The following SLC2A9 variants were observed in gnomAD, a reference collection of about 807,000 sequenced individuals.
SLC2A9 encodes solute carrier family 2 member 9.
A neutral mutation model predicts 50.6 loss-of-function variants in SLC2A9; 39 were observed. That is an observed-to-expected ratio of 0.77 (90% CI 0.60 to 1.01). The LOEUF (loss-of-function observed/expected upper bound fraction) is 1.01. SLC2A9 is among the 50% of genes least tolerant of loss of function. The pLI, the probability that SLC2A9 is intolerant of heterozygous loss-of-function variation, is 0.00. For synonymous variants in SLC2A9, 324 were observed against 276.9 expected (o/e 1.17, Z -1.69); for missense variants, 686 against 677.6 (o/e 1.01, Z -0.14).
intron 10 of SLC2A9, among the ~76,000 whole-genome samples, chr4:9,881,916 G>A (rs910951174): frequency 6.6e-6 from 1 of 152,240 alleles, no homozygotes; most frequent in African/African-American, 2.4e-5. Context: ...CAGCGCTGAA[G>A]TCATTCCCAT....
chr4:9,906,943 T>C (rs1740795541), intron 8 of SLC2A9, among the ~76,000 whole-genome samples: 1 of 152,156 alleles, frequency 6.6e-6, no homozygotes, highest in Admixed American at 6.5e-5. Flanking sequence ...ATCATTCCTC[T>C]ACATTTTTTA....
chr4:9,848,548 G>A (rs1177703527), intron 10 of SLC2A9, among the ~76,000 whole-genome samples: 6 of 151,986 alleles, frequency 3.9e-5, no homozygotes, highest in South Asian at 2.1e-4. Flanking sequence ...TGTGCTCCTC[G>A]AGGGCAGGCA....
chr4:9,918,943 C>T (rs1321463123), intron 7 of SLC2A9, among the ~76,000 whole-genome samples: 1 of 152,070 alleles, frequency 6.6e-6, no homozygotes, highest in Non-Finnish European at 1.5e-5. Flanking sequence ...TCAACAGGTG[C>T]TTAGTCAGTG....
downstream of SLC2A9, among the ~76,000 whole-genome samples, chr4:9,776,567 C>A (rs1208771082): frequency 1.3e-5 from 2 of 152,102 alleles, no homozygotes; most frequent in Non-Finnish European, 2.9e-5. Flanking sequence ...GGGTGACAGG[C>A]AGCACCTGCT....
At chr4:9,884,053 A>C (rs1329958163) in intron 10 of SLC2A9, among the ~76,000 whole-genome samples, 6 of 152,334 alleles carry the variant, frequency 3.9e-5, no homozygotes, top group Admixed American at 2.0e-4. Flanking sequence ...GCCCAGGAGG[A>C]AACTGGGTGC....
At chr4:9,933,788 G>T (rs138299471) in intron 6 of SLC2A9, among the ~76,000 whole-genome samples, 1 of 152,140 alleles carries the variant, frequency 6.6e-6, no homozygotes, top group Admixed American at 6.5e-5. Context: ...GAGGCTCTAG[G>T]GAGAATCCGC....
chr4:9,848,388 C>T (rs1307788606), intron 10 of SLC2A9, among the ~76,000 whole-genome samples: 1 of 151,442 alleles, frequency 6.6e-6, no homozygotes, highest in South Asian at 2.1e-4. Flanking sequence ...AAGGAGACTT[C>T]TCCAGGAATG....
intron 10 of SLC2A9, among the ~76,000 whole-genome samples, chr4:9,854,027 G>T (rs896697093): frequency 6.6e-6 from 1 of 151,884 alleles, no homozygotes; most frequent in Non-Finnish European, 1.5e-5. Context: ...AGTGCTAAAT[G>T]CCCACATCAA....
intron 8 of SLC2A9, among the ~76,000 whole-genome samples, chr4:9,894,634 A>T (rs544761411): frequency 6.6e-6 from 1 of 152,326 alleles, no homozygotes; most frequent in South Asian, 2.1e-4. Context: ...TAACTGTGTA[A>T]AATATGGTTT....
intron 8 of SLC2A9, among the ~76,000 whole-genome samples, chr4:9,897,248 G>A (rs936166267): frequency 6.6e-6 from 1 of 152,152 alleles, no homozygotes; most frequent in Non-Finnish European, 1.5e-5. Context: ...TGCTCCCAAA[G>A]TTTTTCTCCC....
At chr4:9,789,099 A>T (rs1200024774) in intron 3 of SLC2A9, among the ~76,000 whole-genome samples, 1 of 152,236 alleles carries the variant, frequency 6.6e-6, no homozygotes, top group Non-Finnish European at 1.5e-5. Flanking sequence ...TTATGTAGAT[A>T]TATCAAATCC....
chr4:9,914,205 T>C (rs147090862), intron 7 of SLC2A9, among the ~76,000 whole-genome samples: 104 of 152,230 alleles, frequency 6.8e-4, no homozygotes, highest in African/African-American at 2.3e-3. Context: ...CTAAGTCCTA[T>C]GGAGCAGGGC....
intron 10 of SLC2A9, among the ~76,000 whole-genome samples, chr4:9,858,133 G>C (rs1731016911): frequency 6.6e-6 from 1 of 152,188 alleles, no homozygotes; most frequent in South Asian, 2.1e-4. Flanking sequence ...ATACTGAGTT[G>C]TAAATGGTTC....
intron 7 of SLC2A9, among the ~76,000 whole-genome samples, chr4:9,916,939 G>C (rs1050958276): frequency 5.3e-5 from 8 of 152,208 alleles, no homozygotes; most frequent in African/African-American, 1.9e-4. Context: ...GGAGGCACAG[G>C]GTTGATAAGA....
At chr4:9,995,384 G>A (rs969929389) in intron 3 of SLC2A9, among the ~76,000 whole-genome samples, 7 of 152,294 alleles carry the variant, frequency 4.6e-5, no homozygotes, top group African/African-American at 1.7e-4. Flanking sequence ...CCACTTGGAT[G>A]TTTTCAGGGT....
intron 5 of SLC2A9, among the ~76,000 whole-genome samples, chr4:9,948,809 C>G (rs1382621022): frequency 6.6e-6 from 1 of 152,222 alleles, no homozygotes; most frequent in Non-Finnish European, 1.5e-5. Context: ...GCTCATTCTC[C>G]AATCAGCTTC....
intron 2 of SLC2A9, among the ~76,000 whole-genome samples, chr4:9,997,835 A>G (rs1758997312): frequency 6.6e-6 from 1 of 152,202 alleles, no homozygotes; most frequent in Non-Finnish European, 1.5e-5. Flanking sequence ...TGCTCTTCCA[A>G]AGACGTCATT....
intron 10 of SLC2A9, among the ~76,000 whole-genome samples, chr4:9,866,729 C>T (rs541867457): frequency 2.0e-5 from 3 of 152,290 alleles, no homozygotes; most frequent in Non-Finnish European, 4.4e-5. Flanking sequence ...GGACGTACTC[C>T]CCATCCATGC....
chr4:9,948,149 ACT>A (rs1238632003), intron 5 of SLC2A9, among the ~76,000 whole-genome samples: 1 of 146,536 alleles, frequency 6.8e-6, no homozygotes, highest in East Asian at 2.0e-4. Context: ...TCCATGACAC[ACT>A]CTCCCTGGTT....
Sources: allele counts gnomAD v4.1 joint callset (sites outside exome capture counted in the v4.1 genomes callset), GRCh38; gene constraint gnomAD v4.1.1; transcripts MANE v1.5; gene names NCBI Gene and HGNC (gene_info 2026-07-23, HGNC 2026-07-21).